CFAP299: variants seen among roughly 807,000 people sequenced by gnomAD.
CFAP299 encodes the protein cilia and flagella associated protein 299.
In CFAP299, 21 loss-of-function variants were observed where a neutral mutation model predicts 27.0. The ratio of observed to expected loss-of-function variants is 0.78; its 90% confidence interval spans 0.55 to 1.12. The LOEUF (loss-of-function observed/expected upper bound fraction) is 1.12, where lower values mean the gene tolerates loss of function less well. Among genes scored for constraint, CFAP299 ranks in the 50% most tolerant of loss-of-function variants. The pLI is 0.00. For synonymous variants in CFAP299, 104 were observed against 98.1 expected, an observed-to-expected ratio of 1.06 and a Z score of -0.36; for missense variants, 310 against 276.6, an observed-to-expected ratio of 1.12 and a Z score of -0.86.
chr4:80,936,297 C>T (rs1267585501), intron 4 of CFAP299, among the ~76,000 whole-genome samples: 1 of 151,930 alleles, frequency 6.6e-6, no homozygotes, highest in Non-Finnish European at 1.5e-5. Context: ...GGGTATATAC[C>T]TAAAGGAATA....
intron 2 of CFAP299, among the ~76,000 whole-genome samples, chr4:80,504,728 A>G (rs1731930149): frequency 6.8e-6 from 1 of 148,116 alleles, no homozygotes; most frequent in African/African-American, 2.5e-5. Flanking sequence ...TGGCATTTGT[A>G]GTGAGGTTAA....
chr4:80,579,652 A>G (rs1255847047), intron 2 of CFAP299, among the ~76,000 whole-genome samples: 2 of 152,084 alleles, frequency 1.3e-5, no homozygotes, highest in African/African-American at 4.8e-5. Context: ...ATCAGGGATA[A>G]TTTTGATTTT....
At chr4:80,529,937 T>C (rs1199418712) in intron 2 of CFAP299, among the ~76,000 whole-genome samples, 1 of 152,214 alleles carries the variant, frequency 6.6e-6, no homozygotes, top group Non-Finnish European at 1.5e-5. Flanking sequence ...GTACACAATT[T>C]TGAAATATTA....
intron 2 of CFAP299, among the ~76,000 whole-genome samples, chr4:80,561,774 GAAA>G (rs1174937564): frequency 6.6e-6 from 1 of 151,804 alleles, no homozygotes; most frequent in Non-Finnish European, 1.5e-5. Flanking sequence ...GGAGACAAAA[GAAA>G]AAAGAATGAA....
chr4:80,421,104 T>C (rs1224702181), intron 2 of CFAP299, among the ~76,000 whole-genome samples: 4 of 152,212 alleles, frequency 2.6e-5, no homozygotes, highest in African/African-American at 4.8e-5. Flanking sequence ...CCATTATTCA[T>C]AGCCCAGCTG....
intron 3 of CFAP299, among the ~76,000 whole-genome samples, chr4:80,669,104 TTTTTCTTTTC>T (rs70944802): frequency 3.2e-4 from 30 of 93,926 alleles, no homozygotes; most frequent in African/African-American, 8.0e-4. Context: ...CTTAATTTCT[TTTTTCTTTTC>T]TTTTCTTTTC....
intron 3 of CFAP299, among the ~76,000 whole-genome samples, chr4:80,862,534 T>C (rs1732447621): frequency 6.6e-6 from 1 of 152,110 alleles, no homozygotes; most frequent in Admixed American, 6.6e-5. Flanking sequence ...TTTCTTATGG[T>C]AAATAACTAC....
intron 4 of CFAP299, among the ~76,000 whole-genome samples, chr4:80,903,984 A>G (rs1735060475): frequency 6.6e-6 from 1 of 152,218 alleles, no homozygotes; most frequent in Admixed American, 6.6e-5. Flanking sequence ...ATTTGAGGAC[A>G]CACTTTAATG....
intron 2 of CFAP299, among the ~76,000 whole-genome samples, chr4:80,482,546 A>G (rs1327692448): frequency 6.6e-6 from 1 of 152,176 alleles, no homozygotes; most frequent in African/African-American, 2.4e-5. Flanking sequence ...AGTAGAGAAT[A>G]GATGAAGGAA....
At position 80,541,551 on chromosome 4, in the gene CFAP299, A is replaced by G. The variant is rs541574281; in HGVS notation, c.243-41542A>G. 1.9e-3 allele frequency among the ~76,000 whole-genome samples: 285 copies of G among 152,184 alleles called. 1 individual carries two copies. The highest frequency in any genetic ancestry group is 3.1e-3 in the Non-Finnish European group (208 of 67,960). ...TCTGTTTGATGTTTTATCTTCCCCC[A>G]TTGCATTTGTAGCTCTTTAAGGATG... On this transcript the variant is annotated intron_variant, in intron 2 of 5. Coordinates refer to ENST00000358105, the MANE Select transcript of CFAP299 (RefSeq NM_152770.3).
At chr4:80,582,437 T>C (rs1343917172) in intron 2 of CFAP299, among the ~76,000 whole-genome samples, 3 of 151,926 alleles carry the variant, frequency 2.0e-5, no homozygotes, top group Non-Finnish European at 4.4e-5. Flanking sequence ...TGAAAAAGTT[T>C]GTGGAATATG....
At chr4:80,693,543 G>A in intron 3 of CFAP299, among the ~76,000 whole-genome samples, 1 of 133,820 alleles carries the variant, frequency 7.5e-6, no homozygotes. Flanking sequence ...TCTGGGGACT[G>A]TGGTGGGGTG....
At chr4:80,618,065 G>A (rs745394142) in intron 3 of CFAP299, among the ~76,000 whole-genome samples, 8 of 152,144 alleles carry the variant, frequency 5.3e-5, no homozygotes, top group East Asian at 1.9e-4. Context: ...TTTGCATACC[G>A]CATAGGTTGT....
chr4:80,684,480 T>G (rs1720054974), intron 3 of CFAP299, among the ~76,000 whole-genome samples: 1 of 152,160 alleles, frequency 6.6e-6, no homozygotes, highest in Non-Finnish European at 1.5e-5. Flanking sequence ...TTAGCCAGGA[T>G]GGTTTCGATC....
chr4:80,891,778 TA>T (rs1200985883), intron 4 of CFAP299, among the ~76,000 whole-genome samples: 14 of 25,592 alleles, frequency 5.5e-4, no homozygotes, highest in Non-Finnish European at 8.8e-4. Context: ...AAAAAAAAAT[TA>T]AAAAAAAAAT....
intron 3 of CFAP299, among the ~76,000 whole-genome samples, chr4:80,808,476 A>C (rs1401695065): frequency 6.6e-6 from 1 of 152,128 alleles, no homozygotes; most frequent in Non-Finnish European, 1.5e-5. Flanking sequence ...GCTTAATTTT[A>C]ATTCAAATAT....
intron 4 of CFAP299, among the ~76,000 whole-genome samples, chr4:80,910,407 G>T (rs1735407477): frequency 6.6e-6 from 1 of 152,082 alleles, no homozygotes; most frequent in African/African-American, 2.4e-5. Flanking sequence ...CAATGGCAAA[G>T]ACATGGAATT....
chr4:80,453,299 G>A (rs1728984827), intron 2 of CFAP299, among the ~76,000 whole-genome samples: 2 of 151,656 alleles, frequency 1.3e-5, no homozygotes, highest in African/African-American at 4.8e-5. Context: ...TTTTTAATAA[G>A]CAACAGAGTT....
At chr4:80,470,661 T>G (rs561774256) in intron 2 of CFAP299, among the ~76,000 whole-genome samples, 1 of 152,304 alleles carries the variant, frequency 6.6e-6, no homozygotes, top group South Asian at 2.1e-4. Context: ...ACTTAGTTTT[T>G]GAATCAGGAT....
Sources: allele counts gnomAD v4.1 joint callset (sites outside exome capture counted in the v4.1 genomes callset), GRCh38; gene constraint gnomAD v4.1.1; transcripts MANE v1.5; gene names NCBI Gene and HGNC (gene_info 2026-07-23, HGNC 2026-07-21).